The following MAPKAPK5 variants were observed in gnomAD, a reference collection of about 807,000 sequenced individuals.
MAPKAPK5 encodes MAPK activated protein kinase 5.
MAPKAPK5 carries 30 observed loss-of-function variants against 65.1 expected under a neutral mutation model. The ratio of observed to expected loss-of-function variants is 0.46; its 90% confidence interval spans 0.34 to 0.63. The LOEUF (loss-of-function observed/expected upper bound fraction) is 0.63, where lower values mean the gene tolerates loss of function less well. Among genes scored for constraint, MAPKAPK5 ranks in the 20% least tolerant of loss-of-function variants. The pLI, the probability that MAPKAPK5 is intolerant of heterozygous loss-of-function variation, is 0.01. For missense variants in MAPKAPK5, 433 were observed against 581.4 expected (o/e 0.74, Z 2.63); for synonymous variants, 179 against 204.6 (o/e 0.87, Z 1.07).
At chr12:111,881,994 T>G (rs2070248321) in intron 8 of MAPKAPK5, among the ~76,000 whole-genome samples, 1 of 152,178 alleles carries the variant, frequency 6.6e-6, no homozygotes, top group Non-Finnish European at 1.5e-5. Context: ...AAGTGAGGGA[T>G]TGAAGGTCCC....
chr12:111,854,263 A>T, intron 1 of MAPKAPK5, among the ~76,000 whole-genome samples: 1 of 146,032 alleles, frequency 6.8e-6, no homozygotes. Flanking sequence ...TTTGAGATGG[A>T]GTCTCATTCT....
intron 10 of MAPKAPK5, among the ~76,000 whole-genome samples, chr12:111,887,264 G>A (rs1277685331): frequency 1.3e-5 from 2 of 152,200 alleles, no homozygotes; most frequent in Non-Finnish European, 2.9e-5. Flanking sequence ...CCTTCTCTTT[G>A]ATTTGTGGGT....
chr12:111,842,421 C>T lies in MAPKAPK5; in HGVS notation c.-313C>T, dbSNP rs1210049896. ...ACGGCGCCCCGGGTCGAGGCCCTCC[C>T]CGCCTCGCCCTACCCCAGGAGCCTG... On this transcript the variant is annotated 5_prime_UTR_variant, in exon 1 of 14. Coordinates refer to ENST00000550735, the MANE Select transcript of MAPKAPK5 (RefSeq NM_003668.4). 8.3e-6 allele frequency: 2 copies of T among 240,856 alleles called. No homozygotes were observed. Among genetic ancestry groups the T allele is most frequent in the Non-Finnish European group, 1.6e-5 (2 of 124,876 alleles). 14.9% of individuals were successfully genotyped at this position (240,856 alleles called of 1,614,324 possible).
intron 1 of MAPKAPK5, among the ~76,000 whole-genome samples, chr12:111,853,255 C>T (rs959086945): frequency 1.6e-4 from 24 of 151,654 alleles, no homozygotes; most frequent in Admixed American, 3.3e-4. Flanking sequence ...GCCTGTAGTC[C>T]CTGCTGCTTG....
rs3741999 is a variant in MAPKAPK5, at chr12:111,901,804, T to C, written c.*8743T>C. 0.054 allele frequency: 9,231 copies of C among 171,438 alleles called. 1,427 individuals are homozygous for C. The East Asian group carries it at 0.61, about 11-fold the overall frequency. 10.6% of individuals were successfully genotyped at this position (171,438 alleles called of 1,614,324 possible). Reference sequence around the variant, plus strand: ...AGTAGAAATAGATAGCTTTAGTGGCTCTGACTCAGATATACTGATGTAGAA... The same window carrying C: ...AGTAGAAATAGATAGCTTTAGTGGCCCTGACTCAGATATACTGATGTAGAA... On this transcript the variant is annotated 3_prime_UTR_variant, in exon 14 of 14. Transcript: ENST00000550735.
At chr12:111,846,401 C>T (rs1293210919) in intron 1 of MAPKAPK5, among the ~76,000 whole-genome samples, 1 of 152,094 alleles carries the variant, frequency 6.6e-6, no homozygotes, top group African/African-American at 2.4e-5. Flanking sequence ...CCCTTATCCA[C>T]GGTTTTGCTT....
intron 8 of MAPKAPK5, among the ~76,000 whole-genome samples, chr12:111,881,831 G>T (rs528641243): frequency 4.6e-5 from 7 of 152,282 alleles, no homozygotes; most frequent in African/African-American, 1.7e-4. Flanking sequence ...ATGACAGAAG[G>T]GGCTGAGAAT....
At chr12:111,856,718 C>T (rs1235059630) in intron 1 of MAPKAPK5, among the ~76,000 whole-genome samples, 3 of 152,044 alleles carry the variant, frequency 2.0e-5, no homozygotes, top group Non-Finnish European at 2.9e-5. Context: ...TCTCCCTCTT[C>T]TTTTGTGTTA....
Position 111,842,514 on chromosome 12 carries a change from G to A in MAPKAPK5, c.-220G>A. 5.4e-6 allele frequency: 2 copies of A among 367,272 alleles called. No individual in the cohort carries two copies. The highest frequency in any genetic ancestry group is 9.8e-6 in the Non-Finnish European group (2 of 203,696). The allele number at this position is 367,272 out of a possible 1,614,324, so 22.8% of individuals were successfully genotyped here. A position where few individuals can be genotyped will look rare whatever the true frequency, so the allele number is the denominator to read the frequency against. ...CCCAGCACAAAGACCTGTCCCCAGG[G>A]GCCGCCGCCTCCGCCGCTGCTGCTG... On this transcript the variant is annotated 5_prime_UTR_variant, in exon 1 of 14. Transcript: ENST00000550735.
chr12:111,876,205 C>CAAAA (rs751802746), intron 7 of MAPKAPK5, among the ~76,000 whole-genome samples: 4 of 43,544 alleles, frequency 9.2e-5, no homozygotes, highest in Admixed American at 4.4e-4. Flanking sequence ...GACTCCATCT[C>CAAAA]AAAAAAAAAA....
chr12:111,852,644 T>A (rs1441290042), intron 1 of MAPKAPK5, among the ~76,000 whole-genome samples: 1 of 152,214 alleles, frequency 6.6e-6, no homozygotes, highest in Non-Finnish European at 1.5e-5. Context: ...TTCACGTTGT[T>A]CAAGGGTCAA....
intron 1 of MAPKAPK5, among the ~76,000 whole-genome samples, chr12:111,860,736 T>A (rs1482397360): frequency 6.6e-6 from 1 of 152,188 alleles, no homozygotes; most frequent in Non-Finnish European, 1.5e-5. Context: ...AATCTGTACT[T>A]CTCAGTTTGT....
chr12:111,900,217 A>T lies in MAPKAPK5; in HGVS notation c.*7156A>T, dbSNP rs117281682. The T allele has an allele frequency of 7.0e-4, 317 of 456,028 alleles. 2 individuals carry two copies. In the East Asian group the frequency reaches 0.014, roughly 20 times the overall value. The allele number at this position is 456,028 out of a possible 1,614,324, so 28.2% of individuals were successfully genotyped here. On this transcript the variant is annotated 3_prime_UTR_variant, in exon 14 of 14. Transcript: ENST00000550735. ...ATGCTCTTCCATCGTGCAAAACACG[A>T]TGTTGCCCACATGATCGTTGGGCAT...
At chr12:111,864,704 CTG>C (rs1203922752) in intron 1 of MAPKAPK5, among the ~76,000 whole-genome samples, 6 of 152,120 alleles carry the variant, frequency 3.9e-5, no homozygotes, top group Non-Finnish European at 8.8e-5. Flanking sequence ...CAGAATATAT[CTG>C]TACACAAAAT....
intron 3 of MAPKAPK5, among the ~76,000 whole-genome samples, chr12:111,866,598 A>C (rs2069621135): frequency 6.6e-6 from 1 of 152,182 alleles, no homozygotes; most frequent in African/African-American, 2.4e-5. Flanking sequence ...GAGGACTCTG[A>C]GGATGTTTCT....
chr12:111,859,365 G>A lies in MAPKAPK5; in HGVS notation c.37-5885G>A, dbSNP rs547112242. Among the ~76,000 whole-genome samples the A allele has an allele frequency of 2.7e-5, 4 of 149,734 alleles. 1 individual carries two copies. The highest frequency in any genetic ancestry group is 7.4e-5 in the African/African-American group (3 of 40,628). On this transcript the variant is annotated intron_variant, in intron 1 of 13. Coordinates refer to ENST00000550735, the MANE Select transcript of MAPKAPK5 (RefSeq NM_003668.4). ...ATGATCTCAGCTCATTGCAACCTCCGCTTCCCAGGTTCAAGCGATTCTCCT... is the reference window on the plus strand; with the variant it reads ...ATGATCTCAGCTCATTGCAACCTCCACTTCCCAGGTTCAAGCGATTCTCCT...
rs188765237 is a variant in MAPKAPK5 at position 111,858,630 on chromosome 12, G to A, written c.37-6620G>A. On this transcript the variant is annotated intron_variant, in intron 1 of 13. Transcript: ENST00000550735. ...GCGATCGCAGCTCACTGCAACCTCC[G>A]CCTCCTGGGTTCAAGCAATTCTCCT... Among the ~76,000 whole-genome samples, 177 of 140,854 alleles carry A rather than the reference G, an allele frequency of 1.3e-3. 2 individuals carry two copies. Among genetic ancestry groups the A allele is most frequent in the South Asian group, 4.3e-3 (18 of 4,234 alleles). The allele number at this position is 140,854 out of a possible 152,430, so 92.4% of individuals were successfully genotyped here.
intron 9 of MAPKAPK5, among the ~76,000 whole-genome samples, chr12:111,884,908 TGTG>T (rs2070355560): frequency 1.3e-5 from 2 of 152,226 alleles, no homozygotes; most frequent in Non-Finnish European, 1.5e-5. Context: ...GCAGGTTCTG[TGTG>T]CTATAAAGAG....
intron 1 of MAPKAPK5, among the ~76,000 whole-genome samples, chr12:111,844,482 C>T (rs556234669): frequency 5.3e-5 from 8 of 152,316 alleles, no homozygotes; most frequent in Non-Finnish European, 7.4e-5. Context: ...TGAGCCACCG[C>T]GCCCAGCCTT....
Sources: gnomAD v4.1 joint callset for allele counts (sites outside exome capture counted in the v4.1 genomes callset) on GRCh38, gnomAD v4.1.1 for gene constraint, MANE v1.5 for transcripts, NCBI Gene and HGNC (gene_info 2026-07-23, HGNC 2026-07-21) for gene names.